TRIM2: variants seen among roughly 807,000 people sequenced by gnomAD.
TRIM2 encodes the protein tripartite motif-containing protein 2.
A neutral mutation model predicts 75.2 loss-of-function variants in TRIM2; 20 were observed. That is an observed-to-expected ratio of 0.27 (90% CI 0.19 to 0.39). The LOEUF is 0.39. TRIM2 is among the 10% of genes least tolerant of loss of function. TRIM2 has a pLI of 1.00. For synonymous variants in TRIM2, 373 were observed against 388.3 expected, an observed-to-expected ratio of 0.96 and a Z score of 0.46; for missense variants, 660 against 990.8, an observed-to-expected ratio of 0.67 and a Z score of 4.48.
chr4:153,337,700 A>C lies in TRIM2; in HGVS notation c.*2734A>C. The C allele has an allele frequency of 1.0e-6, 1 of 985,886 alleles. No individual in the cohort carries two copies. Among genetic ancestry groups the C allele is most frequent in the Non-Finnish European group, 1.2e-6 (1 of 829,944 alleles). The allele number at this position is 985,886 out of a possible 1,614,324, so 61.1% of individuals were successfully genotyped here. On this transcript the variant is annotated 3_prime_UTR_variant, in exon 12 of 12. Coordinates refer to ENST00000338700, the MANE Select transcript of TRIM2 (RefSeq NM_015271.5). ...GAAAATGGTTTCTGGTAAACTGAGAAGGATATTAAAATAAGTGGCTTTTTT... is the reference window on the plus strand; with the variant it reads ...GAAAATGGTTTCTGGTAAACTGAGACGGATATTAAAATAAGTGGCTTTTTT...
chr4:153,205,174 G>A (rs1735051433), intron 1 of TRIM2, among the ~76,000 whole-genome samples: 1 of 152,168 alleles, frequency 6.6e-6, no homozygotes, highest in Admixed American at 6.5e-5. Flanking sequence ...TGAATAGAGC[G>A]TTTGTCCTTG....
intron 1 of TRIM2, among the ~76,000 whole-genome samples, chr4:153,205,890 GT>G (rs1467361387): frequency 6.6e-6 from 1 of 152,218 alleles, no homozygotes; most frequent in African/African-American, 2.4e-5. Context: ...CAGTCTCTAA[GT>G]GAGGCCAGGT....
chr4:153,207,508 G>A (rs80095703), intron 1 of TRIM2, among the ~76,000 whole-genome samples: 13 of 152,290 alleles, frequency 8.5e-5, no homozygotes, highest in African/African-American at 2.4e-4. Context: ...ATGATTGTGA[G>A]GTTTAAATGT....
At chr4:153,185,992 G>A (rs148912397) in intron 1 of TRIM2, among the ~76,000 whole-genome samples, 4 of 152,310 alleles carry the variant, frequency 2.6e-5, no homozygotes, top group African/African-American at 7.2e-5. Flanking sequence ...TAGACCAGGG[G>A]TGATTTTGCC....
At chr4:153,205,528 C>G (rs1163826398) in intron 1 of TRIM2, among the ~76,000 whole-genome samples, 1 of 152,146 alleles carries the variant, frequency 6.6e-6, no homozygotes, top group Non-Finnish European at 1.5e-5. Flanking sequence ...AAAAAAGAAT[C>G]ACCTACGGCA....
At chr4:153,168,986 TGGGA>T (rs1730577685) in intron 1 of TRIM2, among the ~76,000 whole-genome samples, 1 of 151,858 alleles carries the variant, frequency 6.6e-6, no homozygotes, top group African/African-American at 2.4e-5. Context: ...GAGGCTGAGG[TGGGA>T]GGATCACTTG....
At chr4:153,156,740 A>C (rs1729266600) in intron 1 of TRIM2, 1 of 152,218 alleles carries the variant, frequency 6.6e-6, no homozygotes, top group Non-Finnish European at 1.5e-5. Context: ...CAAGCCACGG[A>C]GTATAGTATG....
intron 1 of TRIM2, among the ~76,000 whole-genome samples, chr4:153,162,416 C>T (rs957794611): frequency 3.9e-5 from 6 of 152,196 alleles, no homozygotes; most frequent in African/African-American, 1.4e-4. Context: ...AGAGCTGATG[C>T]TTCAGCTGAA....
intron 6 of TRIM2, among the ~76,000 whole-genome samples, chr4:153,302,021 G>A (rs139865370): frequency 3.3e-4 from 50 of 152,270 alleles, no homozygotes; most frequent in African/African-American, 1.2e-3. Context: ...GTGAAAAAAT[G>A]TCATTGATAT....
intron 6 of TRIM2, among the ~76,000 whole-genome samples, chr4:153,314,492 A>C (rs1767160747): frequency 6.6e-6 from 1 of 151,102 alleles, no homozygotes; most frequent in Admixed American, 6.6e-5. Flanking sequence ...ATGTACCTAT[A>C]GTTCCAACTA....
chr4:153,282,875 A>G (rs1443390978), intron 3 of TRIM2, among the ~76,000 whole-genome samples: 7 of 151,868 alleles, frequency 4.6e-5, no homozygotes, highest in Non-Finnish European at 1.5e-5. Context: ...GGCAGCCTCA[A>G]TCTCCTAGGC....
At chr4:153,210,882 C>T (rs558756401) in intron 1 of TRIM2, among the ~76,000 whole-genome samples, 22 of 152,244 alleles carry the variant, frequency 1.4e-4, no homozygotes, top group East Asian at 1.2e-3. Context: ...GGAACTGTGA[C>T]AAGGAAGGAT....
chr4:153,244,723 A>G (rs1009049127), intron 1 of TRIM2, among the ~76,000 whole-genome samples: 8 of 152,172 alleles, frequency 5.3e-5, no homozygotes, highest in Admixed American at 5.2e-4. Context: ...CTGGCCTGCA[A>G]ATAATTGGAT....
At chr4:153,230,467 G>A (rs1242789436) in intron 1 of TRIM2, among the ~76,000 whole-genome samples, 1 of 152,196 alleles carries the variant, frequency 6.6e-6, no homozygotes, top group Non-Finnish European at 1.5e-5. Flanking sequence ...ACAGGCATGA[G>A]CCACTGCACC....
At chr4:153,258,855 G>A (rs1373724345) in intron 1 of TRIM2, among the ~76,000 whole-genome samples, 1 of 152,090 alleles carries the variant, frequency 6.6e-6, no homozygotes, top group African/African-American at 2.4e-5. Flanking sequence ...CTGTTTTCTG[G>A]TGTCTTTCAT....
At chr4:153,258,348 C>G (rs1752584865) in intron 1 of TRIM2, among the ~76,000 whole-genome samples, 1 of 150,208 alleles carries the variant, frequency 6.7e-6, no homozygotes, top group African/African-American at 2.5e-5. Context: ...CTTTGAAGTA[C>G]AGTCAAATCT....
intron 1 of TRIM2, among the ~76,000 whole-genome samples, chr4:153,224,299 T>C (rs1741527939): frequency 6.6e-6 from 1 of 152,200 alleles, no homozygotes; most frequent in African/African-American, 2.4e-5. Context: ...GAAGGATCAA[T>C]TAAAATGAAC....
intron 1 of TRIM2, among the ~76,000 whole-genome samples, chr4:153,163,060 G>A (rs1057487948): frequency 3.9e-5 from 6 of 152,194 alleles, no homozygotes; most frequent in African/African-American, 1.4e-4. Flanking sequence ...CTTTACCTGA[G>A]TGTATGTAGC....
chr4:153,153,994 A>G (rs1050445607), intron 1 of TRIM2, among the ~76,000 whole-genome samples: 2 of 152,062 alleles, frequency 1.3e-5, no homozygotes, highest in Non-Finnish European at 2.9e-5. Context: ...TTTCCTTACT[A>G]TAGATTGCTA....
Sources: allele counts gnomAD v4.1 joint callset (sites outside exome capture counted in the v4.1 genomes callset), GRCh38; gene constraint gnomAD v4.1.1; transcripts MANE v1.5; gene names NCBI Gene and HGNC (gene_info 2026-07-23, HGNC 2026-07-21).